The following IDH3A variants were observed in gnomAD, a reference collection of about 807,000 sequenced individuals.
IDH3A encodes the protein isocitrate dehydrogenase (NAD(+)) 3 catalytic subunit alpha, also known as isocitrate dehydrogenase [NAD] subunit alpha, mitochondrial.
Under a neutral mutation model 43.3 loss-of-function variants are expected in IDH3A, and 23 were observed. The ratio of observed to expected loss-of-function variants is 0.53; its 90% CI spans 0.38 to 0.75. IDH3A has a LOEUF of 0.75. IDH3A is among the 30% of genes least tolerant of loss of function. IDH3A has a pLI of 0.00. For synonymous variants in IDH3A, 154 were observed against 163.5 expected (o/e 0.94, Z 0.44); for missense variants, 329 against 474.4 (o/e 0.69, Z 2.85).
Position 78,171,885 on chromosome 15 carries a change from T to C in IDH3A, c.*2880T>C, listed in dbSNP as rs2074827622. 6.1e-6 allele frequency: 1 copy of C among 164,624 alleles called. No homozygotes were observed. The highest frequency in any genetic ancestry group is 1.3e-5 in the Non-Finnish European group (1 of 76,098). The allele number at this position is 164,624 out of a possible 1,614,324, so 10.2% of individuals were successfully genotyped here. A position where few individuals can be genotyped will look rare whatever the true frequency, so the allele number is the denominator to read the frequency against. The stretch of plus-strand genomic sequence containing the variant: ...CAGTTTTGACCCTCAGTCCATTTTC[T>C]CTGAAATGGATTTATTTGTTCCATC... On this transcript the variant is annotated 3_prime_UTR_variant, in exon 11 of 11. Coordinates refer to ENST00000299518, the MANE Select transcript of IDH3A (RefSeq NM_005530.3).
intron 2 of IDH3A, chr15:78,157,285 T>C: frequency 1.3e-6 from 1 of 785,894 alleles, no homozygotes; most frequent in Non-Finnish European, 1.7e-6. Context: ...GGTAGTTTAA[T>C]TTATTTTCGT....
In IDH3A at chr15:78,161,780, C is replaced by A; in HGVS notation, c.477+12C>A. 1 of 1,607,674 alleles carries A rather than the reference C, an allele frequency of 6.2e-7. No individual in the cohort carries two copies. The highest frequency in any genetic ancestry group is 8.5e-7 in the Non-Finnish European group (1 of 1,174,342). On this transcript the variant is annotated intron_variant, in intron 5 of 10. Coordinates refer to ENST00000299518, the MANE Select transcript of IDH3A (RefSeq NM_005530.3). This position sits in a 1 kb window ranked among gnomAD's most constrained non-coding sequence, Gnocchi z 4.8. ...GAATTGAGCATGTGGTATGTTCACTCCAGATTCTTTTTTATTCCTGCTTGG... is the reference window on the plus strand; with the variant it reads ...GAATTGAGCATGTGGTATGTTCACTACAGATTCTTTTTTATTCCTGCTTGG...
intron 9 of IDH3A, among the ~76,000 whole-genome samples, chr15:78,165,619 A>G (rs2074731444): frequency 6.6e-6 from 1 of 152,106 alleles, no homozygotes; most frequent in Non-Finnish European, 1.5e-5. Flanking sequence ...TTGACTGAAA[A>G]AGATTGTTGG....
At chr15:78,168,857 A>T in intron 10 of IDH3A, 65 bp from the exon 11 acceptor site, 1 of 1,089,144 alleles carries the variant, frequency 9.2e-7, no homozygotes, top group Non-Finnish European at 1.4e-6. Flanking sequence ...TGAGGGCTTT[A>T]AAATCTCCTT....
chr15:78,153,565 G>A (rs1159785964), intron 1 of IDH3A, among the ~76,000 whole-genome samples: 1 of 152,150 alleles, frequency 6.6e-6, no homozygotes, highest in Non-Finnish European at 1.5e-5. Flanking sequence ...ATAGATACCA[G>A]AAGATTAGAG....
At chr15:78,152,786 A>G (rs931994968) in intron 1 of IDH3A, among the ~76,000 whole-genome samples, 12 of 152,188 alleles carry the variant, frequency 7.9e-5, no homozygotes, top group Non-Finnish European at 1.5e-4. Flanking sequence ...TTCTAAGATC[A>G]TGCAAGAGAG....
intron 3 of IDH3A, chr15:78,159,844 A>C (rs2074662591): frequency 1.6e-5 from 6 of 374,616 alleles, no homozygotes; most frequent in Admixed American, 7.3e-5. Flanking sequence ...AATACAAAAA[A>C]ATTAGCTGGG....
rs1282833304 is a variant in IDH3A at position 78,163,798 on chromosome 15, C to T, written c.779+18C>T. 1.9e-6 allele frequency: 3 copies of T among 1,552,768 alleles called. No homozygotes were observed. Among genetic ancestry groups the T allele is most frequent in the African/African-American group, 2.7e-5 (2 of 73,690 alleles). ...ATCCTTAGGTGAGTCTGGCTGCAAC[C>T]TATTTATTTTAGCCTATGATTTACT... On this transcript the variant is annotated intron_variant, in intron 8 of 10. Transcript: ENST00000299518.
In IDH3A at chr15:78,170,168, T is replaced by C. The variant is rs2141310704; in HGVS notation, c.*1163T>C. The C allele has an allele frequency of 6.6e-6, 1 of 152,306 alleles. No homozygotes were observed. Among genetic ancestry groups the C allele is most frequent in the East Asian group, 1.9e-4 (1 of 5,184 alleles). The allele number at this position is 152,306 out of a possible 1,614,324, so 9.4% of individuals were successfully genotyped here. On this transcript the variant is annotated 3_prime_UTR_variant, in exon 11 of 11. Transcript: ENST00000299518. ...GGGCTCAGCTTTTGACCCTCAGGCATCTCCTTTCCCTTCCTGTCTTCCTCT... is the reference window on the plus strand; with the variant it reads ...GGGCTCAGCTTTTGACCCTCAGGCACCTCCTTTCCCTTCCTGTCTTCCTCT...
chr15:78,159,756 C>T lies in IDH3A; in HGVS notation c.175-336C>T, dbSNP rs571069783. The stretch of plus-strand genomic sequence containing the variant: ...CTGTAATCCCAGCACTTTGGGAGGC[C>T]GAAGTGGGCAGATCACCTGAGGTCA... On this transcript the variant is annotated intron_variant, in intron 3 of 10. Coordinates refer to ENST00000299518, the MANE Select transcript of IDH3A (RefSeq NM_005530.3). Among the ~76,000 whole-genome samples the T allele has an allele frequency of 7.2e-5, 11 of 152,110 alleles. No individual in the cohort carries two copies. In the South Asian group the frequency reaches 2.3e-3, roughly 32 times the overall value.
In IDH3A at chr15:78,169,247, T is replaced by C. The variant is rs943315642; in HGVS notation, c.*242T>C. 6.2e-6 allele frequency: 2 copies of C among 321,332 alleles called. No homozygotes were observed. Among genetic ancestry groups the C allele is most frequent in the African/African-American group, 4.3e-5 (2 of 46,944 alleles). 19.9% of individuals were successfully genotyped at this position (321,332 alleles called of 1,614,324 possible). On this transcript the variant is annotated 3_prime_UTR_variant, in exon 11 of 11. Coordinates refer to ENST00000299518, the MANE Select transcript of IDH3A (RefSeq NM_005530.3). The stretch of plus-strand genomic sequence containing the variant: ...AGTGTCTACCTGGTAAATGTTTTTT[T>C]TGTAAACTCTGAGTGGACTGTATCA...
Position 78,161,861 on chromosome 15 carries a change from A to T in IDH3A, c.477+93A>T. 1 of 1,124,546 alleles carries T rather than the reference A, an allele frequency of 8.9e-7. No individual in the cohort carries two copies. The highest frequency in any genetic ancestry group is 1.3e-6 in the Non-Finnish European group (1 of 763,076). The allele number at this position is 1,124,546 out of a possible 1,614,324, so 69.7% of individuals were successfully genotyped here. Reference sequence around the variant, plus strand: ...ACAGATCTGCTTTATCTCTGTGAGGAGTTGTGGGTGTTTGTCTTGGTGCTG... The same window carrying T: ...ACAGATCTGCTTTATCTCTGTGAGGTGTTGTGGGTGTTTGTCTTGGTGCTG... On this transcript the variant is annotated intron_variant, in intron 5 of 10. Transcript: ENST00000299518. This position sits in a 1 kb window ranked among gnomAD's most constrained non-coding sequence, Gnocchi z 4.8.
chr15:78,152,437 C>T (rs1391317049), intron 1 of IDH3A, among the ~76,000 whole-genome samples: 5 of 146,740 alleles, frequency 3.4e-5, no homozygotes, highest in African/African-American at 1.0e-4. Flanking sequence ...CTTGGCTCAC[C>T]GCAACCTCTG....
intron 2 of IDH3A, among the ~76,000 whole-genome samples, chr15:78,156,569 C>T (rs1229850980): frequency 6.6e-6 from 1 of 152,006 alleles, no homozygotes; most frequent in East Asian, 1.9e-4. Flanking sequence ...ATAATTAGTC[C>T]ACGTATCTGG....
chr15:78,168,536 G>A (rs915928644), intron 10 of IDH3A: 1 of 155,194 alleles, frequency 6.4e-6, no homozygotes, highest in South Asian at 2.1e-4. Context: ...TATGTCTCAG[G>A]TCTATTCCTG....
At chr15:78,158,463 A>ATATATATATATT (rs1212083496) in intron 3 of IDH3A, among the ~76,000 whole-genome samples, 1 of 67,378 alleles carries the variant, frequency 1.5e-5, no homozygotes, top group Non-Finnish European at 3.0e-5. Flanking sequence ...ATATATATAT[A>ATATATATATATT]TTTTTTTTTT....
chr15:78,166,780 T>G (rs746723179), intron 10 of IDH3A, among the ~76,000 whole-genome samples: 1 of 152,068 alleles, frequency 6.6e-6, no homozygotes, highest in Non-Finnish European at 1.5e-5. Flanking sequence ...TACAGGCGTG[T>G]GCCACCACAC....
rs1410800502 is a variant in IDH3A, at chr15:78,150,937, C to T, written c.27+1507C>T. ...CTCAGTCCTTTAATCTCTGAACTTA[C>T]ATTTAACACCCAATTCATCTTTGGT... is the stretch of plus-strand genomic sequence containing the variant. On this transcript the variant is annotated intron_variant, in intron 1 of 10. Transcript: ENST00000299518. 5 of 152,222 alleles carry T rather than the reference C, an allele frequency of 3.3e-5. No individual in the cohort carries two copies. In the East Asian group the frequency reaches 9.6e-4, roughly 29 times the overall value. 9.4% of individuals were successfully genotyped at this position (152,222 alleles called of 1,614,324 possible).
At chr15:78,160,353 A>T (rs1217225654) in intron 4 of IDH3A, 147 bp downstream of exon 4, 1 of 576,272 alleles carries the variant, frequency 1.7e-6, no homozygotes, top group Non-Finnish European at 3.1e-6. Context: ...TCATAGTAAG[A>T]TGTTTTATTC....
Sources: gnomAD v4.1 joint callset for allele counts (sites outside exome capture counted in the v4.1 genomes callset) on GRCh38, gnomAD v4.1.1 for gene constraint, Gnocchi (gnomAD v3.1) non-coding constraint, MANE v1.5 for transcripts, NCBI Gene and HGNC (gene_info 2026-07-23, HGNC 2026-07-21) for gene names.